SGCZ: variants seen among roughly 807,000 people sequenced by gnomAD.
SGCZ encodes zeta-sarcoglycan.
Under a neutral mutation model 41.3 loss-of-function variants are expected in SGCZ, and 40 were observed. The ratio of observed to expected loss-of-function variants is 0.97; its 90% confidence interval spans 0.75 to 1.26. The LOEUF is 1.26. Ranked by LOEUF, SGCZ falls within the 50% of genes most tolerant of loss-of-function variation. The pLI is 0.00. For missense variants in SGCZ, 552 were observed against 369.8 expected (o/e 1.49, Z -4.04); for synonymous variants, 206 against 137.5 (o/e 1.50, Z -3.49).
chr8:15,212,231 TATA>T (rs1480907946), intron 1 of SGCZ, among the ~76,000 whole-genome samples: 1 of 152,162 alleles, frequency 6.6e-6, no homozygotes, highest in Non-Finnish European at 1.5e-5. Flanking sequence ...GAGTTGTTCT[TATA>T]ATGATTTAGC....
intron 1 of SGCZ, among the ~76,000 whole-genome samples, chr8:15,223,401 A>G (rs1801667062): frequency 6.6e-6 from 1 of 152,184 alleles, no homozygotes. Context: ...CCTCACACAA[A>G]GACGACTCCT....
intron 4 of SGCZ, among the ~76,000 whole-genome samples, chr8:14,209,657 T>C (rs1268873603): frequency 6.6e-6 from 1 of 152,210 alleles, no homozygotes; most frequent in Non-Finnish European, 1.5e-5. Context: ...GTACATTCAA[T>C]ATAATATCCT....
intron 4 of SGCZ, among the ~76,000 whole-genome samples, chr8:14,184,944 T>C (rs1804855301): frequency 6.6e-6 from 1 of 152,170 alleles, no homozygotes; most frequent in Non-Finnish European, 1.5e-5. Flanking sequence ...CAATAAAATT[T>C]TTTATCATTA....
At chr8:14,226,256 C>T (rs1014900442) in intron 4 of SGCZ, among the ~76,000 whole-genome samples, 1 of 152,012 alleles carries the variant, frequency 6.6e-6, no homozygotes, top group Admixed American at 6.6e-5. Context: ...TTTCAAGTTA[C>T]TATAGAGTCA....
At chr8:14,311,900 T>A (rs1037451025) in intron 3 of SGCZ, among the ~76,000 whole-genome samples, 6 of 152,144 alleles carry the variant, frequency 3.9e-5, no homozygotes, top group Admixed American at 1.3e-4. Flanking sequence ...AACATAAGAT[T>A]GCTGCTCTAT....
intron 2 of SGCZ, among the ~76,000 whole-genome samples, chr8:14,436,129 G>A (rs1189363287): frequency 6.6e-6 from 1 of 152,114 alleles, no homozygotes; most frequent in East Asian, 1.9e-4. Context: ...AAGGGAGCGA[G>A]AGAATAAACA....
chr8:14,818,345 C>A (rs56339693), intron 1 of SGCZ, among the ~76,000 whole-genome samples: 2 of 152,194 alleles, frequency 1.3e-5, no homozygotes, highest in African/African-American at 4.8e-5. Context: ...AGCCTACCCA[C>A]TGAGGCAATT....
intron 1 of SGCZ, among the ~76,000 whole-genome samples, chr8:15,010,149 C>T (rs192068483): frequency 2.0e-5 from 3 of 152,036 alleles, no homozygotes; most frequent in Non-Finnish European, 4.4e-5. Flanking sequence ...AAAAACTTAG[C>T]CTTGAAATTC....
intron 1 of SGCZ, among the ~76,000 whole-genome samples, chr8:14,795,316 G>T (rs555297365): frequency 1.3e-5 from 2 of 152,184 alleles, no homozygotes; most frequent in East Asian, 3.9e-4. Context: ...GTAAGCCCAG[G>T]TAATATTTCT....
intron 1 of SGCZ, among the ~76,000 whole-genome samples, chr8:14,586,462 C>G (rs1032897673): frequency 6.6e-6 from 1 of 152,184 alleles, no homozygotes; most frequent in Non-Finnish European, 1.5e-5. Context: ...ATCTGCCCGC[C>G]TAGGCTTTCC....
intron 1 of SGCZ, among the ~76,000 whole-genome samples, chr8:14,665,389 C>T (rs1807877903): frequency 6.6e-6 from 1 of 152,184 alleles, no homozygotes; most frequent in Non-Finnish European, 1.5e-5. Context: ...ATACGTGCCA[C>T]ATCGTCTTAA....
rs540000446 is a variant in SGCZ at position 14,729,728 on chromosome 8, G to C, written c.40-174802C>G. Among the ~76,000 whole-genome samples, 4 of 152,148 alleles carry C rather than the reference G, an allele frequency of 2.6e-5. No homozygotes were observed. The South Asian group carries it at 6.2e-4, about 24-fold the overall frequency. ...CTAGAAATTTATTATGGCAGCACTT[G>C]AAAACTGATACATATTTATCTGCAA... On this transcript the variant is annotated intron_variant, in intron 1 of 7. Coordinates refer to ENST00000382080, the MANE Select transcript of SGCZ (RefSeq NM_139167.4).
intron 1 of SGCZ, among the ~76,000 whole-genome samples, chr8:15,135,259 T>C (rs75649404): frequency 0.038 from 5,792 of 152,256 alleles, 197 homozygotes; most frequent in African/African-American, 0.093. Context: ...AACAACACTT[T>C]CTACCTAAAA....
rs1401972255 is a variant in SGCZ, at chr8:14,368,412, G to C, written c.235-44208C>G. Among the ~76,000 whole-genome samples the C allele has an allele frequency of 2.6e-5, 4 of 151,980 alleles. No individual in the cohort carries two copies. The East Asian group carries it at 7.7e-4, about 29-fold the overall frequency. ...TACATTATCCGTTAGATAGACTAAG[G>C]GTTTTACGGCATCAGCAATTAGATG... On this transcript the variant is annotated intron_variant, in intron 2 of 7. Coordinates refer to ENST00000382080, the MANE Select transcript of SGCZ (RefSeq NM_139167.4).
intron 4 of SGCZ, among the ~76,000 whole-genome samples, chr8:14,236,618 T>C (rs1400266641): frequency 4.0e-5 from 6 of 151,482 alleles, no homozygotes; most frequent in South Asian, 4.2e-4. Context: ...TCCTCAAAAT[T>C]GTAATTTACT....
At chr8:14,305,505 T>G (rs1278245762) in intron 3 of SGCZ, among the ~76,000 whole-genome samples, 1 of 152,200 alleles carries the variant, frequency 6.6e-6, no homozygotes, top group East Asian at 1.9e-4. Context: ...TTTTATTTGA[T>G]TTTGAATTTC....
chr8:14,947,645 G>A (rs1292667384), intron 1 of SGCZ, among the ~76,000 whole-genome samples: 1 of 152,158 alleles, frequency 6.6e-6, no homozygotes, highest in Non-Finnish European at 1.5e-5. Context: ...TGGGCCATGA[G>A]CAAGAGCAAA....
chr8:14,717,002 T>C (rs1013797480), intron 1 of SGCZ, among the ~76,000 whole-genome samples: 16 of 152,218 alleles, frequency 1.1e-4, no homozygotes, highest in African/African-American at 3.4e-4. Context: ...CAAAAAAGCA[T>C]GAAAGGTATG....
At chr8:15,237,477 C>T in intron 1 of SGCZ, 108 bp downstream of exon 1, 1 of 1,358,622 alleles carries the variant, frequency 7.4e-7, no homozygotes, top group Admixed American at 2.0e-5. Flanking sequence ...CCTCGTCGTC[C>T]CGCGGGACCA....
Sources: allele counts gnomAD v4.1 joint callset (sites outside exome capture counted in the v4.1 genomes callset), GRCh38; gene constraint gnomAD v4.1.1; transcripts MANE v1.5; gene names NCBI Gene and HGNC (gene_info 2026-07-23, HGNC 2026-07-21).